Variants in LRMDA observed in about 807,000 individuals in gnomAD.
LRMDA encodes leucine-rich melanocyte differentiation-associated protein.
In LRMDA, 18 loss-of-function variants were observed where a neutral mutation model predicts 29.8. That is an observed-to-expected ratio of 0.60 (90% CI 0.42 to 0.90). The LOEUF (loss-of-function observed/expected upper bound fraction) is 0.90, where lower values mean the gene tolerates loss of function less well. Ranked by LOEUF, LRMDA falls within the 40% of genes least tolerant of loss-of-function variation. The pLI, the probability that LRMDA is intolerant of heterozygous loss-of-function variation, is 0.00. For synonymous variants in LRMDA, 125 were observed against 109.4 expected, an observed-to-expected ratio of 1.14 and a Z score of -0.89; for missense variants, 273 against 273.9, an observed-to-expected ratio of 1.00 and a Z score of 0.02.
chr10:76,325,594 C>G (rs933828150), intron 6 of LRMDA, among the ~76,000 whole-genome samples: 1 of 152,034 alleles, frequency 6.6e-6, no homozygotes, highest in African/African-American at 2.4e-5. Flanking sequence ...AAAATAACAC[C>G]ACATCTAGAT....
chr10:75,529,775 A>G (rs1050626359), intron 2 of LRMDA, among the ~76,000 whole-genome samples: 3 of 152,256 alleles, frequency 2.0e-5, no homozygotes, highest in Admixed American at 1.3e-4. Flanking sequence ...ATCTTACACA[A>G]TTATAGCATG....
At chr10:76,482,448 G>A (rs930016012) in intron 6 of LRMDA, among the ~76,000 whole-genome samples, 1 of 151,890 alleles carries the variant, frequency 6.6e-6, no homozygotes, top group Non-Finnish European at 1.5e-5. Flanking sequence ...CATACTGTAT[G>A]TATTCTTTTT....
At chr10:76,372,314 C>A (rs953721024) in intron 6 of LRMDA, among the ~76,000 whole-genome samples, 10 of 152,094 alleles carry the variant, frequency 6.6e-5, no homozygotes, top group Admixed American at 6.6e-4. Flanking sequence ...CTTGAAAATT[C>A]TCTTTGAAGA....
chr10:76,482,768 T>A (rs1842744257), intron 6 of LRMDA, among the ~76,000 whole-genome samples: 1 of 151,980 alleles, frequency 6.6e-6, no homozygotes, highest in Non-Finnish European at 1.5e-5. Flanking sequence ...GATAGTTTTT[T>A]AAAGTGGTTG....
At chr10:75,908,408 G>T (rs1195537882) in intron 2 of LRMDA, among the ~76,000 whole-genome samples, 1 of 152,172 alleles carries the variant, frequency 6.6e-6, no homozygotes, top group Non-Finnish European at 1.5e-5. Context: ...CATTTGTATA[G>T]TAATAAATTG....
intron 5 of LRMDA, among the ~76,000 whole-genome samples, chr10:76,143,187 T>A (rs926092185): frequency 7.9e-5 from 12 of 152,238 alleles, no homozygotes; most frequent in African/African-American, 2.9e-4. Flanking sequence ...CATGATTTAT[T>A]ATCCTTTGGG....
At chr10:75,487,131 T>C (rs1844925202) in intron 2 of LRMDA, among the ~76,000 whole-genome samples, 2 of 152,192 alleles carry the variant, frequency 1.3e-5, no homozygotes, top group African/African-American at 4.8e-5. Context: ...TGGTAGGAAG[T>C]GAAGGTATTT....
chr10:75,829,301 A>T (rs549400332), intron 2 of LRMDA, among the ~76,000 whole-genome samples: 2 of 152,138 alleles, frequency 1.3e-5, no homozygotes, highest in Non-Finnish European at 2.9e-5. Flanking sequence ...AGGCCAGCCC[A>T]ACAGTTGAAC....
intron 6 of LRMDA, among the ~76,000 whole-genome samples, chr10:76,531,049 T>C (rs1843228244): frequency 6.6e-6 from 1 of 152,162 alleles, no homozygotes; most frequent in Non-Finnish European, 1.5e-5. Context: ...TGGGGGCAGA[T>C]ATTTTGCTAT....
At chr10:75,829,875 A>C (rs1844310159) in intron 2 of LRMDA, among the ~76,000 whole-genome samples, 1 of 132,014 alleles carries the variant, frequency 7.6e-6, no homozygotes, top group Non-Finnish European at 1.5e-5. Flanking sequence ...TGCTGCTGAG[A>C]GATGTCAGTT....
At chr10:76,108,482 A>C (rs1849523811) in intron 5 of LRMDA, among the ~76,000 whole-genome samples, 1 of 152,192 alleles carries the variant, frequency 6.6e-6, no homozygotes, top group African/African-American at 2.4e-5. Flanking sequence ...TTGGGTGTGC[A>C]AGGGTATGTG....
intron 6 of LRMDA, among the ~76,000 whole-genome samples, chr10:76,452,522 G>T (rs1332124258): frequency 6.6e-6 from 1 of 152,092 alleles, no homozygotes; most frequent in African/African-American, 2.4e-5. Context: ...ATCAGGTAAA[G>T]ATGAGAACAG....
rs35208147 is a variant in LRMDA at position 76,338,363 on chromosome 10, CATAA to C, written c.601+13911_601+13914del. On this transcript the variant is annotated intron_variant, in intron 6 of 6. Coordinates refer to ENST00000611255, the MANE Select transcript of LRMDA (RefSeq NM_001305581.2). ...GGGGCAGCATAGTGAGACACAGTCT[CATAA>C]ATAAATAAATAAATAAATAAATAAA... is the stretch of plus-strand genomic sequence containing the variant. Among the ~76,000 whole-genome samples, 748 of 146,370 alleles carry C rather than the reference CATAA, an allele frequency of 5.1e-3. 6 individuals carry two copies. Among genetic ancestry groups the C allele is most frequent in the South Asian group, 8.1e-3 (37 of 4,540 alleles).
At chr10:75,824,346 GTC>G (rs1844214154) in intron 2 of LRMDA, among the ~76,000 whole-genome samples, 1 of 152,174 alleles carries the variant, frequency 6.6e-6, no homozygotes, top group Admixed American at 6.5e-5. Flanking sequence ...ATAGCTTACT[GTC>G]TATTTTTGTA....
chr10:76,213,966 T>A (rs77546083), intron 5 of LRMDA, among the ~76,000 whole-genome samples: 2,444 of 152,166 alleles, frequency 0.016, 62 homozygotes, highest in African/African-American at 0.052. Flanking sequence ...GGTCATGCAA[T>A]GTTAGGGACA....
rs186021586 is a variant in LRMDA, at chr10:75,770,900, G to A, written c.132-265108G>A. On this transcript the variant is annotated intron_variant, in intron 2 of 6. Coordinates refer to ENST00000611255, the MANE Select transcript of LRMDA (RefSeq NM_001305581.2). ...ATTTGCTGTAGTCCAGAGGGAGATA[G>A]CTGTGAGTAATGGGGTGAAGTTAAG... Among the ~76,000 whole-genome samples, 257 of 152,312 alleles carry A rather than the reference G, an allele frequency of 1.7e-3. 3 individuals carry two copies. The highest frequency in any genetic ancestry group is 5.7e-4 in the Non-Finnish European group (39 of 68,032).
At position 75,935,177 on chromosome 10, in the gene LRMDA, C is replaced by T. The variant is rs148860063; in HGVS notation, c.132-100831C>T. Among the ~76,000 whole-genome samples, 588 of 152,308 alleles carry T rather than the reference C, an allele frequency of 3.9e-3. 5 individuals are homozygous for T. Among genetic ancestry groups the T allele is most frequent in the African/African-American group, 0.013 (558 of 41,572 alleles). ...TCTGCTACTCTCTCCCCACAAATTC[C>T]CTCAAAGCCTTGAGGATCCCAAGAA... On this transcript the variant is annotated intron_variant, in intron 2 of 6. Transcript: ENST00000611255.
Position 75,870,761 on chromosome 10 carries a change from C to T in LRMDA, c.132-165247C>T, listed in dbSNP as rs984589502. 3.8e-4 allele frequency among the ~76,000 whole-genome samples: 58 copies of T among 152,196 alleles called. 2 individuals are homozygous for T. ...TTCTTTGTGTCTCATCTTTAGCAAACTCCCCCCTTTCTTGTAGAGTGCTTG... is the reference window on the plus strand; with the variant it reads ...TTCTTTGTGTCTCATCTTTAGCAAATTCCCCCCTTTCTTGTAGAGTGCTTG... On this transcript the variant is annotated intron_variant, in intron 2 of 6. Transcript: ENST00000611255.
chr10:75,855,766 T>C (rs1844814633), intron 2 of LRMDA, among the ~76,000 whole-genome samples: 1 of 152,230 alleles, frequency 6.6e-6, no homozygotes, highest in South Asian at 2.1e-4. Context: ...GGGATCTAGT[T>C]TCAGCTTTCT....
Sources: gnomAD v4.1 joint callset for allele counts (sites outside exome capture counted in the v4.1 genomes callset) on GRCh38, gnomAD v4.1.1 for gene constraint, MANE v1.5 for transcripts, NCBI Gene and HGNC (gene_info 2026-07-23, HGNC 2026-07-21) for gene names.